ABTB2: variants seen among roughly 807,000 people sequenced by gnomAD.
ABTB2 encodes the protein ankyrin repeat and BTB domain containing 2, also known as ankyrin repeat and BTB/POZ domain-containing protein 2.
Under a neutral mutation model 104.1 loss-of-function variants are expected in ABTB2, and 56 were observed. The ratio of observed to expected loss-of-function variants is 0.54; its 90% CI spans 0.43 to 0.67. The LOEUF (loss-of-function observed/expected upper bound fraction) is 0.67. Among genes scored for constraint, ABTB2 ranks in the 30% least tolerant of loss-of-function variants. ABTB2 has a pLI of 0.00. For missense variants in ABTB2, 1,279 were observed against 1,407.7 expected, an observed-to-expected ratio of 0.91 and a Z score of 1.46; for synonymous variants, 606 against 608.2, an observed-to-expected ratio of 1.00 and a Z score of 0.05.
chr11:34,303,558 A>T (rs1468220879), intron 1 of ABTB2, among the ~76,000 whole-genome samples: 2 of 136,848 alleles, frequency 1.5e-5, no homozygotes, highest in Non-Finnish European at 3.1e-5. Flanking sequence ...CACACTTTGA[A>T]TGCATTTAAC....
chr11:34,336,283 C>T (rs1457802520), intron 1 of ABTB2, among the ~76,000 whole-genome samples: 1 of 152,120 alleles, frequency 6.6e-6, no homozygotes, highest in Non-Finnish European at 1.5e-5. Context: ...TTCACATTTA[C>T]AACACCATAA....
rs552073580 is a variant in ABTB2 at position 34,201,011 on chromosome 11, T to C, written c.1031-3473A>G. ...AAAAATCGGGCTTGCATTTCACATG[T>C]CTTATTTCCTTTTTCTAGACATTTA... On this transcript the variant is annotated intron_variant, in intron 2 of 16. Coordinates refer to ENST00000435224, the MANE Select transcript of ABTB2 (RefSeq NM_145804.3). Among the ~76,000 whole-genome samples, 60 of 152,334 alleles carry C rather than the reference T, an allele frequency of 3.9e-4. 1 individual carries two copies. In the South Asian group the frequency reaches 0.012, roughly 32 times the overall value.
chr11:34,243,257 C>T (rs1017891747), intron 1 of ABTB2, among the ~76,000 whole-genome samples: 2 of 152,116 alleles, frequency 1.3e-5, no homozygotes, highest in African/African-American at 4.8e-5. Context: ...TAGAGACTAG[C>T]CTGTTGACCT....
intron 1 of ABTB2, among the ~76,000 whole-genome samples, chr11:34,239,600 G>T (rs1182452629): frequency 2.0e-5 from 3 of 152,064 alleles, no homozygotes; most frequent in East Asian, 3.8e-4. Context: ...CAAAGTTCTG[G>T]GATTACAGGT....
intron 1 of ABTB2, among the ~76,000 whole-genome samples, chr11:34,274,285 C>A (rs1854356734): frequency 6.6e-6 from 1 of 151,578 alleles, no homozygotes; most frequent in Non-Finnish European, 1.5e-5. Flanking sequence ...GGCACTATCA[C>A]CCTTTCTTAC....
At chr11:34,172,437 T>TATAGATAG (rs67334558) in intron 4 of ABTB2, among the ~76,000 whole-genome samples, 6,517 of 92,356 alleles carry the variant, frequency 0.071, 315 homozygotes, top group East Asian at 0.17. Context: ...TGTGTGTGTA[T>TATAGATAG]ATAGATAGAT....
chr11:34,295,734 C>T (rs1163611583), intron 1 of ABTB2, among the ~76,000 whole-genome samples: 2 of 152,144 alleles, frequency 1.3e-5, no homozygotes, highest in Non-Finnish European at 1.5e-5. Context: ...ATCAGGGTGC[C>T]AGCATGGCTG....
chr11:34,231,521 A>G (rs1454927180), intron 1 of ABTB2, among the ~76,000 whole-genome samples: 3 of 152,186 alleles, frequency 2.0e-5, no homozygotes, highest in Non-Finnish European at 4.4e-5. Flanking sequence ...CGGGTGGTCA[A>G]GGTTAACATC....
At position 34,261,021 on chromosome 11, in the gene ABTB2, G is replaced by C. The variant is rs559600318; in HGVS notation, c.884-56331C>G. The stretch of plus-strand genomic sequence containing the variant: ...GCCTGTAATCCCAGCTACCTGGGAA[G>C]CTGAGGTGGAAGAATCGCTTGAACT... On this transcript the variant is annotated intron_variant, in intron 1 of 16. Transcript: ENST00000435224. Among the ~76,000 whole-genome samples, 9 of 152,288 alleles carry C rather than the reference G, an allele frequency of 5.9e-5. No homozygotes were observed. The South Asian group carries it at 1.5e-3, about 25-fold the overall frequency.
chr11:34,267,522 G>A (rs1854266095), intron 1 of ABTB2, among the ~76,000 whole-genome samples: 1 of 152,172 alleles, frequency 6.6e-6, no homozygotes, highest in Non-Finnish European at 1.5e-5. Flanking sequence ...CAGAGAAAAG[G>A]CAATATTTGA....
intron 1 of ABTB2, among the ~76,000 whole-genome samples, chr11:34,280,107 C>T (rs1854432548): frequency 6.6e-6 from 1 of 152,134 alleles, no homozygotes; most frequent in Non-Finnish European, 1.5e-5. Flanking sequence ...TTGATCCTCA[C>T]AAGGACCCTA....
chr11:34,175,911 C>T (rs926909919), intron 3 of ABTB2, among the ~76,000 whole-genome samples: 2 of 152,178 alleles, frequency 1.3e-5, no homozygotes, highest in Non-Finnish European at 2.9e-5. Context: ...TTGTCTAGAT[C>T]CTATTTATCC....
intron 10 of ABTB2, 41 bp from the exon 11 acceptor site, chr11:34,161,122 C>A: frequency 6.4e-7 from 1 of 1,551,274 alleles, no homozygotes. Context: ...CGCACCACAG[C>A]TGAGCGCTCC....
chr11:34,206,097 C>T (rs1489328771), intron 1 of ABTB2, among the ~76,000 whole-genome samples: 3 of 152,146 alleles, frequency 2.0e-5, no homozygotes, highest in African/African-American at 7.2e-5. Flanking sequence ...CAGTGGATCA[C>T]ACATGTAATC....
Position 34,178,855 on chromosome 11 carries a change from T to A in ABTB2, c.1245-5548A>T, listed in dbSNP as rs1178852644. ...CTTTGGAAGGCTGAGGTGGGCGGAT[T>A]ACTGGAAGTCAGGAGTTTGAGACCA... On this transcript the variant is annotated intron_variant, in intron 3 of 16. Coordinates refer to ENST00000435224, the MANE Select transcript of ABTB2 (RefSeq NM_145804.3). Among the ~76,000 whole-genome samples, 4 of 152,210 alleles carry A rather than the reference T, an allele frequency of 2.6e-5. No homozygotes were observed. The East Asian group carries it at 7.7e-4, about 29-fold the overall frequency.
intron 9 of ABTB2, among the ~76,000 whole-genome samples, chr11:34,163,362 A>G (rs377593539): frequency 2.0e-4 from 31 of 152,308 alleles, no homozygotes; most frequent in South Asian, 4.1e-4. Context: ...GAATGTATTC[A>G]TATTTATGAA....
intron 1 of ABTB2, among the ~76,000 whole-genome samples, chr11:34,243,198 A>T (rs1372196262): frequency 6.6e-6 from 1 of 152,202 alleles, no homozygotes; most frequent in Non-Finnish European, 1.5e-5. Context: ...CAGCAAAGAG[A>T]CGTGTGAGAA....
chr11:34,287,828 T>C (rs1854524276), intron 1 of ABTB2, among the ~76,000 whole-genome samples: 1 of 152,138 alleles, frequency 6.6e-6, no homozygotes, highest in Non-Finnish European at 1.5e-5. Flanking sequence ...TTTTTTTTCT[T>C]TTTTATAGAA....
intron 1 of ABTB2, among the ~76,000 whole-genome samples, chr11:34,229,877 T>C (rs1853746312): frequency 6.6e-6 from 1 of 152,244 alleles, no homozygotes; most frequent in African/African-American, 2.4e-5. Flanking sequence ...CAGCATTTTC[T>C]TATGGCATTA....
Sources: gnomAD v4.1 joint callset for allele counts (sites outside exome capture counted in the v4.1 genomes callset) on GRCh38, gnomAD v4.1.1 for gene constraint, MANE v1.5 for transcripts, NCBI Gene and HGNC (gene_info 2026-07-23, HGNC 2026-07-21) for gene names.